Variants in RORB observed in about 807,000 individuals in gnomAD.
RORB encodes the protein RAR related orphan receptor B, also known as nuclear receptor ROR-beta.
Under a neutral mutation model 59.1 loss-of-function variants are expected in RORB, and 6 were observed. The ratio of observed to expected loss-of-function variants is 0.10; its 90% CI spans 0.06 to 0.20. The LOEUF (loss-of-function observed/expected upper bound fraction) is 0.20, where lower values mean the gene tolerates loss of function less well. Among genes scored for constraint, RORB ranks in the 10% least tolerant of loss-of-function variants. The pLI is 1.00. For missense variants in RORB, 320 were observed against 560.5 expected (o/e 0.57, Z 4.33); for synonymous variants, 215 against 204.5 (o/e 1.05, Z -0.44).
At chr9:74,564,044 C>G (rs966101525) in intron 1 of RORB, among the ~76,000 whole-genome samples, 9 of 152,174 alleles carry the variant, frequency 5.9e-5, no homozygotes, top group African/African-American at 1.9e-4. Flanking sequence ...TCTCATTTCT[C>G]TTCTTCGACA....
intron 1 of RORB, chr9:74,499,062 G>A (rs1309218552): frequency 6.6e-6 from 1 of 152,560 alleles, no homozygotes; most frequent in East Asian, 1.9e-4. Flanking sequence ...CGCTTGACAT[G>A]GGGATCTGTG....
chr9:74,534,812 A>C (rs1826297184), intron 1 of RORB, among the ~76,000 whole-genome samples: 1 of 152,080 alleles, frequency 6.6e-6, no homozygotes, highest in African/African-American at 2.4e-5. Context: ...CTGTACCCCA[A>C]AGTGGCTATG....
At chr9:74,603,898 G>A (rs1286184006) in intron 1 of RORB, among the ~76,000 whole-genome samples, 4 of 152,164 alleles carry the variant, frequency 2.6e-5, no homozygotes, top group African/African-American at 7.2e-5. Flanking sequence ...TTGCTTAAGT[G>A]TGCTGTAATA....
At chr9:74,540,818 G>A (rs77840372) in intron 1 of RORB, among the ~76,000 whole-genome samples, 1,930 of 151,958 alleles carry the variant, frequency 0.013, 42 homozygotes, top group African/African-American at 0.043. Flanking sequence ...TAAATCTATC[G>A]GACAAATTTT....
intron 4 of RORB, among the ~76,000 whole-genome samples, chr9:74,655,616 G>C (rs546670472): frequency 9.2e-5 from 14 of 152,258 alleles, no homozygotes; most frequent in African/African-American, 2.9e-4. Context: ...TTCCAAGCAA[G>C]GACTCTTGAA....
intron 1 of RORB, among the ~76,000 whole-genome samples, chr9:74,589,530 A>T (rs1206057591): frequency 2.0e-5 from 3 of 152,228 alleles, no homozygotes; most frequent in African/African-American, 7.2e-5. Flanking sequence ...ACCAAGACTT[A>T]TCTCATAGGA....
chr9:74,599,437 C>T (rs1243531151), intron 1 of RORB, among the ~76,000 whole-genome samples: 2 of 152,088 alleles, frequency 1.3e-5, no homozygotes, highest in Non-Finnish European at 2.9e-5. Context: ...TTAAAACAAG[C>T]CCACAGATTT....
At chr9:74,590,702 G>A (rs1822874313) in intron 1 of RORB, among the ~76,000 whole-genome samples, 1 of 152,190 alleles carries the variant, frequency 6.6e-6, no homozygotes, top group Non-Finnish European at 1.5e-5. Flanking sequence ...TTTAGATTTT[G>A]CAGACATACA....
At chr9:74,500,006 G>A (rs973657842) in intron 1 of RORB, among the ~76,000 whole-genome samples, 1 of 152,192 alleles carries the variant, frequency 6.6e-6, no homozygotes, top group Non-Finnish European at 1.5e-5. Flanking sequence ...TGACTGTCCT[G>A]GTTCGCCACG....
Position 74,685,863 on chromosome 9 carries a change from C to CT in RORB, c.*252dup. 3.5e-6 allele frequency: 1 copy of CT among 289,678 alleles called. No homozygotes were observed. The highest frequency in any genetic ancestry group is 6.3e-6 in the Non-Finnish European group (1 of 157,790). 17.9% of individuals were successfully genotyped at this position (289,678 alleles called of 1,614,324 possible). A position where few individuals can be genotyped will look rare whatever the true frequency, so the allele number is the denominator to read the frequency against. ...CAAATATAGGACACTGGGTGTTATC[C>CT]TTTTTTTAATTTTATTCGGGTATGT... On this transcript the variant is annotated 3_prime_UTR_variant, in exon 10 of 10. Transcript: ENST00000376896.
Position 74,686,095 on chromosome 9 carries a change from G to A in RORB, c.*477G>A, listed in dbSNP as rs1174643699. ...AAAGTACTGTGCATGTATGTAATAAGTATATAATATGTGAGAATATTATAT... is the reference window on the plus strand; with the variant it reads ...AAAGTACTGTGCATGTATGTAATAAATATATAATATGTGAGAATATTATAT... On this transcript the variant is annotated 3_prime_UTR_variant, in exon 10 of 10. Transcript: ENST00000376896. The A allele has an allele frequency of 6.5e-6, 1 of 152,714 alleles. No homozygotes were observed. Among genetic ancestry groups the A allele is most frequent in the East Asian group, 1.9e-4 (1 of 5,192 alleles). The allele number at this position is 152,714 out of a possible 1,614,324, so 9.5% of individuals were successfully genotyped here.
intron 1 of RORB, among the ~76,000 whole-genome samples, chr9:74,575,575 T>G (rs976838679): frequency 5.3e-5 from 8 of 152,074 alleles, no homozygotes; most frequent in African/African-American, 1.9e-4. Context: ...ATTATTATCT[T>G]CCAGGACAAA....
intron 1 of RORB, among the ~76,000 whole-genome samples, chr9:74,545,435 A>G (rs1826473066): frequency 6.6e-6 from 1 of 152,216 alleles, no homozygotes; most frequent in Non-Finnish European, 1.5e-5. Flanking sequence ...TAGTAAATAT[A>G]TCTAACATTA....
intron 1 of RORB, among the ~76,000 whole-genome samples, chr9:74,571,934 C>A (rs1276017938): frequency 3.3e-5 from 5 of 152,076 alleles, no homozygotes; most frequent in African/African-American, 1.2e-4. Context: ...ATCTCTGCAC[C>A]TCCCCCGCCC....
At chr9:74,524,821 G>A (rs1042697013) in intron 1 of RORB, among the ~76,000 whole-genome samples, 2 of 151,728 alleles carry the variant, frequency 1.3e-5, no homozygotes, top group African/African-American at 4.8e-5. Flanking sequence ...ACATCTGGAA[G>A]CCTGGTTTTT....
intron 1 of RORB, among the ~76,000 whole-genome samples, chr9:74,584,281 G>A (rs1432140016): frequency 6.6e-6 from 1 of 152,192 alleles, no homozygotes; most frequent in African/African-American, 2.4e-5. Context: ...GTATGATGGA[G>A]TGGTAGAGAG....
chr9:74,622,370 A>G (rs1053476637), intron 1 of RORB, among the ~76,000 whole-genome samples: 5 of 152,320 alleles, frequency 3.3e-5, no homozygotes. Flanking sequence ...ATAGAGAGCG[A>G]GAAATAAATA....
chr9:74,541,686 A>G (rs1331561175), intron 1 of RORB, among the ~76,000 whole-genome samples: 1 of 152,196 alleles, frequency 6.6e-6, no homozygotes, highest in Admixed American at 6.5e-5. Flanking sequence ...TTTGGGTAGA[A>G]AAATAAGCTT....
At chr9:74,499,358 G>A (rs10869406) in intron 1 of RORB, among the ~76,000 whole-genome samples, 62,046 of 151,844 alleles carry the variant, frequency 0.41, 13,156 homozygotes, top group East Asian at 0.84. Flanking sequence ...GGAGGCAGCG[G>A]GTCTCACTCC....
Sources: allele counts gnomAD v4.1 joint callset (sites outside exome capture counted in the v4.1 genomes callset), GRCh38; gene constraint gnomAD v4.1.1; transcripts MANE v1.5; gene names NCBI Gene and HGNC (gene_info 2026-07-23, HGNC 2026-07-21).